The following PTPRN2 variants were observed in gnomAD, a reference collection of about 807,000 sequenced individuals.
PTPRN2 encodes protein tyrosine phosphatase receptor type N2.
A neutral mutation model predicts 118.8 loss-of-function variants in PTPRN2; 74 were observed. The ratio of observed to expected loss-of-function variants is 0.62; its 90% CI spans 0.52 to 0.76. The LOEUF is 0.76. Ranked by LOEUF, PTPRN2 falls within the 30% of genes least tolerant of loss-of-function variation. The probability of loss-of-function intolerance (pLI) is 0.00; values close to 1 mark genes in which losing one functional copy is unlikely to be tolerated. For synonymous variants in PTPRN2, 641 were observed against 608.0 expected (o/e 1.05, Z -0.80); for missense variants, 1,481 against 1,394.4 (o/e 1.06, Z -0.99).
intron 11 of PTPRN2, among the ~76,000 whole-genome samples, chr7:157,968,064 A>T (rs1802066650): frequency 6.6e-6 from 1 of 152,166 alleles, no homozygotes; most frequent in Admixed American, 6.5e-5. Context: ...ACCCAGTACC[A>T]CCTAGCACTA....
intron 11 of PTPRN2, among the ~76,000 whole-genome samples, chr7:158,073,914 C>A (rs1033230540): frequency 1.3e-5 from 2 of 152,206 alleles, no homozygotes; most frequent in Admixed American, 6.5e-5. Context: ...AGGCCCACAG[C>A]CCAGCGGCAT....
Position 158,144,486 on chromosome 7 carries a change from A to G in PTPRN2, c.911-5971T>C, listed in dbSNP as rs573977191. Among the ~76,000 whole-genome samples the G allele has an allele frequency of 4.5e-4, 68 of 152,338 alleles. 1 individual carries two copies. In the Middle Eastern group the frequency reaches 0.01, roughly 23 times the overall value. Reference sequence around the variant, plus strand: ...AACTCCATCTCTACTAAAAATACCAAAAATTAGCTGGGCATGGTGTCAGGC... The same window carrying G: ...AACTCCATCTCTACTAAAAATACCAGAAATTAGCTGGGCATGGTGTCAGGC... On this transcript the variant is annotated intron_variant, in intron 6 of 22. Coordinates refer to ENST00000389418, the MANE Select transcript of PTPRN2 (RefSeq NM_002847.5).
chr7:158,023,361 G>A (rs973834782), intron 11 of PTPRN2, among the ~76,000 whole-genome samples: 8 of 152,136 alleles, frequency 5.3e-5, no homozygotes, highest in Non-Finnish European at 7.3e-5. Context: ...TCCCATGGCT[G>A]CACTCCGTGG....
rs1554550709 is a variant in PTPRN2 at position 158,132,756 on chromosome 7, G to GCACACA, written c.1556+920_1556+921insTGTGTG. On this transcript the variant is annotated intron_variant, in intron 9 of 22. Coordinates refer to ENST00000389418, the MANE Select transcript of PTPRN2 (RefSeq NM_002847.5). ...TACCCAACATACACTATACACACAC[G>GCACACA]CACATACACATCTACCCAACACACA... 4.7e-3 allele frequency among the ~76,000 whole-genome samples: 694 copies of GCACACA among 147,408 alleles called. 10 individuals are homozygous for GCACACA. Among genetic ancestry groups the GCACACA allele is most frequent in the African/African-American group, 0.017 (662 of 39,822 alleles).
chr7:157,911,170 C>T (rs950105372), intron 11 of PTPRN2, among the ~76,000 whole-genome samples: 5 of 152,206 alleles, frequency 3.3e-5, no homozygotes, highest in Non-Finnish European at 7.3e-5. Flanking sequence ...GGGCTGATGC[C>T]TGACCACCCG....
At chr7:158,176,391 C>T (rs1021425375) in intron 5 of PTPRN2, among the ~76,000 whole-genome samples, 1 of 152,158 alleles carries the variant, frequency 6.6e-6, no homozygotes, top group African/African-American at 2.4e-5. Flanking sequence ...CATGATTACC[C>T]ACATTTTGCA....
intron 2 of PTPRN2, among the ~76,000 whole-genome samples, chr7:158,449,660 C>T (rs1817969176): frequency 6.6e-6 from 1 of 152,234 alleles, no homozygotes; most frequent in African/African-American, 2.4e-5. Context: ...GCCCTTACTT[C>T]TTTGCCTTAG....
chr7:158,122,557 G>A lies in PTPRN2; in HGVS notation c.1556+11120C>T, dbSNP rs117199024. Among the ~76,000 whole-genome samples, 233 of 152,284 alleles carry A rather than the reference G, an allele frequency of 1.5e-3. 1 individual carries two copies. Among genetic ancestry groups the A allele is most frequent in the Non-Finnish European group, 2.5e-3 (168 of 68,028 alleles). On this transcript the variant is annotated intron_variant, in intron 9 of 22. Transcript: ENST00000389418. ...GACTAGTGAAAAGTACGTAGGGGTC[G>A]GAAATATAAAGAGTAGTAAAAACTC...
At chr7:157,669,275 G>A (rs1327401052) in intron 13 of PTPRN2, among the ~76,000 whole-genome samples, 2 of 152,252 alleles carry the variant, frequency 1.3e-5, no homozygotes, top group South Asian at 2.1e-4. Context: ...GAGCCTGTCC[G>A]TGATCTAAGC....
At position 157,585,060 on chromosome 7, in the gene PTPRN2, A is replaced by G. The variant is rs1800601253; in HGVS notation, c.2497-6920T>C. On this transcript the variant is annotated intron_variant, in intron 17 of 22. Coordinates refer to ENST00000389418, the MANE Select transcript of PTPRN2 (RefSeq NM_002847.5). This position sits in a 1 kb window ranked among gnomAD's most constrained non-coding sequence, Gnocchi z 5.2. ...CTACCTGGCTTTTTTTTAGTAAACA[A>G]ATATCTCAGTGTGGGATTCATTTAG... is the stretch of plus-strand genomic sequence containing the variant. Among the ~76,000 whole-genome samples the G allele has an allele frequency of 6.6e-6, 1 of 152,004 alleles. No individual in the cohort carries two copies. Among genetic ancestry groups the G allele is most frequent in the Non-Finnish European group, 1.5e-5 (1 of 68,010 alleles).
chr7:158,329,247 G>T (rs1225769343), intron 2 of PTPRN2, among the ~76,000 whole-genome samples: 1 of 152,186 alleles, frequency 6.6e-6, no homozygotes, highest in Non-Finnish European at 1.5e-5. Flanking sequence ...TGAGGAGCAG[G>T]CTAGGAGGGG....
chr7:158,430,777 C>A (rs1816112942), intron 2 of PTPRN2, among the ~76,000 whole-genome samples: 1 of 152,216 alleles, frequency 6.6e-6, no homozygotes, highest in Non-Finnish European at 1.5e-5. Flanking sequence ...CAGCTTGAAC[C>A]CAGCTCACCC....
At chr7:157,933,619 T>C (rs1015738523) in intron 11 of PTPRN2, among the ~76,000 whole-genome samples, 27 of 149,536 alleles carry the variant, frequency 1.8e-4, no homozygotes, top group Admixed American at 1.8e-3. Flanking sequence ...AGTGGAGGGA[T>C]GAGTCACCCT....
At chr7:158,213,713 C>A (rs1417691886) in intron 3 of PTPRN2, among the ~76,000 whole-genome samples, 1 of 152,106 alleles carries the variant, frequency 6.6e-6, no homozygotes, top group Non-Finnish European at 1.5e-5. Context: ...ACTGAAAGCA[C>A]ATTTGCAATG....
intron 2 of PTPRN2, among the ~76,000 whole-genome samples, chr7:158,372,861 T>G (rs188462860): frequency 3.0e-4 from 45 of 152,350 alleles, no homozygotes; most frequent in African/African-American, 1.1e-3. Context: ...GGCAGAGTTC[T>G]CCAGGCTGTG....
At chr7:158,061,978 G>A (rs528957599) in intron 11 of PTPRN2, among the ~76,000 whole-genome samples, 12 of 152,384 alleles carry the variant, frequency 7.9e-5, no homozygotes, top group South Asian at 2.1e-4. Context: ...GGTGTCCCAC[G>A]AAGGCGGAGC....
At chr7:157,850,105 A>G (rs1400827478) in intron 12 of PTPRN2, among the ~76,000 whole-genome samples, 1 of 152,200 alleles carries the variant, frequency 6.6e-6, no homozygotes, top group Admixed American at 6.5e-5. Flanking sequence ...TTATGGGAGG[A>G]AAAGAGAACA....
At chr7:157,540,833 C>CGACTCCT (rs1455142357) in intron 22 of PTPRN2, 48 bp from the exon 23 acceptor site, 6 of 1,454,448 alleles carry the variant, frequency 4.1e-6, no homozygotes, top group Non-Finnish European at 5.7e-6. Flanking sequence ...GGCGTCCCCC[C>CGACTCCT]GACTCCTGCC....
intron 1 of PTPRN2, among the ~76,000 whole-genome samples, chr7:158,495,791 G>A (rs917542889): frequency 5.9e-5 from 9 of 152,202 alleles, no homozygotes; most frequent in Admixed American, 2.0e-4. Context: ...CAGGCTGGGC[G>A]TGGGAGGACA....
Sources: allele counts gnomAD v4.1 joint callset (sites outside exome capture counted in the v4.1 genomes callset), GRCh38; gene constraint gnomAD v4.1.1; non-coding constraint Gnocchi (gnomAD v3.1); transcripts MANE v1.5; gene names NCBI Gene and HGNC (gene_info 2026-07-23, HGNC 2026-07-21).